Variants in AMD1 observed in about 807,000 individuals in gnomAD.
The protein encoded by AMD1 is S-adenosylmethionine decarboxylase proenzyme.
In AMD1, 11 loss-of-function variants were observed where a neutral mutation model predicts 40.2. The ratio of observed to expected loss-of-function variants is 0.27; its 90% CI spans 0.17 to 0.45. The LOEUF is 0.45. Ranked by LOEUF, AMD1 falls within the 20% of genes least tolerant of loss-of-function variation. The pLI, the probability that AMD1 is intolerant of heterozygous loss-of-function variation, is 1.00. For missense variants in AMD1, 257 were observed against 410.2 expected, an observed-to-expected ratio of 0.63 and a Z score of 3.23; for synonymous variants, 121 against 130.8, an observed-to-expected ratio of 0.93 and a Z score of 0.51.
chr6:110,862,352 A>C, the AMD1 span, among the ~76,000 whole-genome samples: 1 of 139,116 alleles, frequency 7.2e-6, no homozygotes, highest in East Asian at 2.1e-4. Flanking sequence ...TTTTTAATGG[A>C]TAGAGTGCTT....
At chr6:110,849,477 A>G in the AMD1 span, among the ~76,000 whole-genome samples, 75 of 152,332 alleles carry the variant, frequency 4.9e-4, no homozygotes, top group African/African-American at 1.8e-3. Flanking sequence ...AAAAAGGGCT[A>G]ACTTGAAGAT....
At chr6:110,815,456 T>G in the AMD1 span, 2 of 221,290 alleles carry the variant, frequency 9.0e-6, no homozygotes, top group Non-Finnish European at 1.8e-5. Flanking sequence ...CTCGAGCTCA[T>G]TAGCGAACTC....
At chr6:110,814,790 A>T in the AMD1 span, 2 of 683,448 alleles carry the variant, frequency 2.9e-6, no homozygotes. Context: ...GACGCCTCGG[A>T]CCGGGCTGCG....
chr6:110,890,006 T>A, intron 3 of AMD1: 2 of 374,136 alleles, frequency 5.3e-6, no homozygotes, highest in Non-Finnish European at 9.6e-6. Context: ...CTGGGCTTTT[T>A]AAAAAAAAGA....
At chr6:110,884,724 AAG>A (rs1384511018) in intron 1 of AMD1, among the ~76,000 whole-genome samples, 12 of 152,196 alleles carry the variant, frequency 7.9e-5, no homozygotes, top group Admixed American at 7.2e-4. Context: ...CCTTTAAAAA[AAG>A]AGAAAACAAA....
the AMD1 span, among the ~76,000 whole-genome samples, chr6:110,837,370 G>T: frequency 6.6e-6 from 1 of 150,898 alleles, no homozygotes; most frequent in East Asian, 1.9e-4. Flanking sequence ...TTCTATACAG[G>T]TTACAATAAT....
At chr6:110,858,239 A>G in the AMD1 span, 5 of 923,312 alleles carry the variant, frequency 5.4e-6, no homozygotes, top group Admixed American at 2.0e-5. Flanking sequence ...CGCGCCAGCC[A>G]TGAGCTCCAC....
chr6:110,863,236 C>T, the AMD1 span, among the ~76,000 whole-genome samples: 37 of 151,858 alleles, frequency 2.4e-4, no homozygotes, highest in East Asian at 1.6e-3. Context: ...TGAGCCACCA[C>T]GCCTGGCCCC....
At chr6:110,883,997 A>G (rs113888330) in intron 1 of AMD1, among the ~76,000 whole-genome samples, 18 of 152,376 alleles carry the variant, frequency 1.2e-4, no homozygotes, top group African/African-American at 4.3e-4. Flanking sequence ...AAGTAAACCT[A>G]TAAAGTTTTA....
At chr6:110,827,442 C>T in the AMD1 span, among the ~76,000 whole-genome samples, 1 of 151,910 alleles carries the variant, frequency 6.6e-6, no homozygotes, top group Non-Finnish European at 1.5e-5. Context: ...TGCACTGGGA[C>T]CTCATGTTTT....
At chr6:110,881,613 C>T (rs888211650) in intron 1 of AMD1, among the ~76,000 whole-genome samples, 5 of 151,894 alleles carry the variant, frequency 3.3e-5, no homozygotes, top group East Asian at 1.9e-4. Flanking sequence ...GTCAGGAGTT[C>T]GAGACCAGCC....
At chr6:110,858,903 C>T in the AMD1 span, 3 of 861,400 alleles carry the variant, frequency 3.5e-6, no homozygotes, top group Non-Finnish European at 2.0e-6. Context: ...GTGGGCATGA[C>T]GGCTCCGGGA....
At chr6:110,840,173 G>A in the AMD1 span, among the ~76,000 whole-genome samples, 1 of 151,782 alleles carries the variant, frequency 6.6e-6, no homozygotes, top group Non-Finnish European at 1.5e-5. Flanking sequence ...GTGAGCCACC[G>A]ACCTGGCCGT....
chr6:110,871,545 A>C (rs1335056323), upstream of AMD1, among the ~76,000 whole-genome samples: 5 of 152,158 alleles, frequency 3.3e-5, no homozygotes, highest in Non-Finnish European at 7.3e-5. Context: ...AGTTTAAGCA[A>C]CTGCTGTATA....
chr6:110,855,254 C>A, the AMD1 span, among the ~76,000 whole-genome samples: 1 of 151,630 alleles, frequency 6.6e-6, no homozygotes, highest in African/African-American at 2.4e-5. Flanking sequence ...CTGAAAATTT[C>A]CACATGTACT....
chr6:110,883,321 T>G (rs1785503685), intron 1 of AMD1, among the ~76,000 whole-genome samples: 2 of 151,914 alleles, frequency 1.3e-5, no homozygotes, highest in South Asian at 2.1e-4. Context: ...GAATTTCCTG[T>G]TTTTTTTCCC....
At chr6:110,816,588 A>G in the AMD1 span, among the ~76,000 whole-genome samples, 1 of 152,254 alleles carries the variant, frequency 6.6e-6, no homozygotes, top group Non-Finnish European at 1.5e-5. Context: ...ACATTTCTAA[A>G]GGAAATTTTC....
the AMD1 span, chr6:110,858,237 C>T: frequency 2.2e-6 from 2 of 915,820 alleles, no homozygotes; most frequent in Admixed American, 2.0e-5. Flanking sequence ...CGCGCGCCAG[C>T]CATGAGCTCC....
chr6:110,880,920 C>T (rs1053334483), intron 1 of AMD1, among the ~76,000 whole-genome samples: 14 of 152,138 alleles, frequency 9.2e-5, no homozygotes, highest in Non-Finnish European at 2.1e-4. Context: ...GATCCGCCTG[C>T]CTCGGGCTCC....
Sources: allele counts gnomAD v4.1 joint callset (sites outside exome capture counted in the v4.1 genomes callset), GRCh38; gene constraint gnomAD v4.1.1; transcripts MANE v1.5; gene names NCBI Gene and HGNC (gene_info 2026-07-23, HGNC 2026-07-21).